APBB2: variants seen among roughly 807,000 people sequenced by gnomAD.
APBB2 encodes amyloid beta precursor protein binding family B member 2.
APBB2 carries 38 observed loss-of-function variants against 82.5 expected under a neutral mutation model. That is an observed-to-expected ratio of 0.46 (90% confidence interval 0.36 to 0.60). The LOEUF (loss-of-function observed/expected upper bound fraction) is 0.60, where lower values mean the gene tolerates loss of function less well. Among genes scored for constraint, APBB2 ranks in the 20% least tolerant of loss-of-function variants. APBB2 has a pLI of 0.00. For missense variants in APBB2, 772 were observed against 972.3 expected (o/e 0.79, Z 2.74); for synonymous variants, 341 against 368.2 (o/e 0.93, Z 0.85).
At chr4:40,883,734 C>T (rs570916793) in intron 12 of APBB2, among the ~76,000 whole-genome samples, 1 of 151,768 alleles carries the variant, frequency 6.6e-6, no homozygotes, top group African/African-American at 2.4e-5. Context: ...AAAAATGGGC[C>T]CTTTCCACAA....
chr4:41,052,731 G>A (rs1218637338), intron 4 of APBB2, among the ~76,000 whole-genome samples: 2 of 151,036 alleles, frequency 1.3e-5, no homozygotes, highest in African/African-American at 4.9e-5. Flanking sequence ...GTTATACAGT[G>A]TTTCTCGTTC....
chr4:41,075,936 T>C (rs982241573), intron 3 of APBB2, among the ~76,000 whole-genome samples: 3 of 152,196 alleles, frequency 2.0e-5, no homozygotes, highest in African/African-American at 7.2e-5. Flanking sequence ...GGTATCTAAA[T>C]TGAACTGAAT....
chr4:40,875,659 G>A (rs999016578), intron 12 of APBB2, among the ~76,000 whole-genome samples: 2 of 152,090 alleles, frequency 1.3e-5, no homozygotes, highest in Admixed American at 6.5e-5. Context: ...AGTGCTCAAG[G>A]CCATCACCGA....
chr4:40,848,796 G>A (rs1758426931), intron 12 of APBB2: 6 of 941,852 alleles, frequency 6.4e-6, no homozygotes, highest in African/African-American at 1.8e-5. Context: ...GCCTGGGCTT[G>A]CTGATCGGCT....
chr4:41,114,776 G>A (rs190965759), intron 2 of APBB2, among the ~76,000 whole-genome samples: 48 of 152,176 alleles, frequency 3.2e-4, no homozygotes, highest in Non-Finnish European at 7.4e-5. Flanking sequence ...GGATGTGAAG[G>A]ACCCCTTCAA....
intron 4 of APBB2, among the ~76,000 whole-genome samples, chr4:41,044,908 C>G (rs191730208): frequency 3.2e-4 from 48 of 152,188 alleles, no homozygotes; most frequent in Admixed American, 2.9e-3. Flanking sequence ...TAAAATGTAT[C>G]ATTTGCACCA....
At chr4:40,890,251 T>C (rs2154351368) in intron 12 of APBB2, 113 bp downstream of exon 12, 12 of 1,382,536 alleles carry the variant, frequency 8.7e-6, no homozygotes, top group Non-Finnish European at 8.7e-6. Flanking sequence ...CATTTCTATA[T>C]AGAAGCTACA....
chr4:40,919,418 T>C (rs1269197485), intron 10 of APBB2, among the ~76,000 whole-genome samples: 1 of 152,228 alleles, frequency 6.6e-6, no homozygotes, highest in Non-Finnish European at 1.5e-5. Flanking sequence ...TCAGGTGCTA[T>C]CTACATTTTA....
intron 1 of APBB2, among the ~76,000 whole-genome samples, chr4:41,155,080 T>C (rs1323325500): frequency 5.3e-5 from 8 of 152,246 alleles, no homozygotes; most frequent in Non-Finnish European, 8.8e-5. Context: ...GGTTTGGTCA[T>C]CATTAAAGTT....
chr4:40,943,773 G>A (rs10007274), intron 7 of APBB2, among the ~76,000 whole-genome samples: 58,062 of 152,086 alleles, frequency 0.38, 11,705 homozygotes, highest in Non-Finnish European at 0.46. Context: ...GATGACCACG[G>A]CATGGCACAG....
In APBB2 at chr4:40,811,932, C is replaced by T. The variant is rs189311111; in HGVS notation, c.*4160G>A. 2 of 152,256 alleles carry T rather than the reference C, an allele frequency of 1.3e-5. No individual in the cohort carries two copies. Among genetic ancestry groups the T allele is most frequent in the African/African-American group, 2.4e-5 (1 of 41,542 alleles). The allele number at this position is 152,256 out of a possible 1,614,324, so 9.4% of individuals were successfully genotyped here. ...CATTTTGGATTTAGTGTGTGTACAC[C>T]TCTATTCTTTATTCTTTGATGTCAG... On this transcript the variant is annotated 3_prime_UTR_variant, in exon 18 of 18. Coordinates refer to ENST00000508593, the MANE Select transcript of APBB2 (RefSeq NM_004307.2).
intron 1 of APBB2, among the ~76,000 whole-genome samples, chr4:41,163,600 A>G (rs16852837): frequency 0.02 from 3,016 of 152,318 alleles, 91 homozygotes; most frequent in African/African-American, 0.07. Context: ...ATCATAAACA[A>G]GCGTCAGTCA....
At chr4:41,144,773 C>T (rs1760225590) in intron 1 of APBB2, among the ~76,000 whole-genome samples, 1 of 152,226 alleles carries the variant, frequency 6.6e-6, no homozygotes, top group Admixed American at 6.5e-5. Flanking sequence ...CCTCCCTCAC[C>T]TATCGCATCC....
chr4:41,124,536 C>G (rs1323076434), intron 2 of APBB2, among the ~76,000 whole-genome samples: 1 of 152,106 alleles, frequency 6.6e-6, no homozygotes, highest in Non-Finnish European at 1.5e-5. Context: ...AATGTAAAAA[C>G]CATTCTAGGC....
chr4:40,832,294 G>A lies in APBB2; in HGVS notation c.1530-1717C>T, dbSNP rs2154303708. Among the ~76,000 whole-genome samples the A allele has an allele frequency of 6.6e-6, 1 of 152,262 alleles. No individual in the cohort carries two copies. The highest frequency in any genetic ancestry group is 2.1e-4 in the South Asian group (1 of 4,818). ...AACTGGCCATCGTGAAGGTCTGGCC[G>A]GAAAACCCTGCCTCGCAACCTCACC... is the stretch of plus-strand genomic sequence containing the variant. On this transcript the variant is annotated intron_variant, in intron 12 of 17. Transcript: ENST00000508593. The surrounding 1 kb of genome is among the most constrained non-coding windows in gnomAD (Gnocchi z 4.8).
chr4:41,111,094 A>T (rs1233015980), intron 2 of APBB2, among the ~76,000 whole-genome samples: 1 of 152,176 alleles, frequency 6.6e-6, no homozygotes, highest in African/African-American at 2.4e-5. Flanking sequence ...ACAAGTCACA[A>T]AAGGGCTTGT....
intron 3 of APBB2, among the ~76,000 whole-genome samples, chr4:41,078,955 T>G (rs1560693888): frequency 6.6e-6 from 1 of 152,208 alleles, no homozygotes; most frequent in Admixed American, 6.5e-5. Context: ...GGCTTGCACA[T>G]GACTTAGCCG....
chr4:40,827,923 T>C (rs6810648), intron 13 of APBB2, among the ~76,000 whole-genome samples: 82,036 of 151,904 alleles, frequency 0.54, 22,706 homozygotes, highest in African/African-American at 0.65. Flanking sequence ...AACTGAATCA[T>C]AGGGGCAGTT....
At chr4:41,008,038 T>A (rs1418361606) in intron 6 of APBB2, among the ~76,000 whole-genome samples, 1 of 152,238 alleles carries the variant, frequency 6.6e-6, no homozygotes, top group African/African-American at 2.4e-5. Context: ...TAAACCTCAG[T>A]TGCTTAGAGG....
Sources: gnomAD v4.1 joint callset for allele counts (sites outside exome capture counted in the v4.1 genomes callset) on GRCh38, gnomAD v4.1.1 for gene constraint, Gnocchi (gnomAD v3.1) non-coding constraint, MANE v1.5 for transcripts, NCBI Gene and HGNC (gene_info 2026-07-23, HGNC 2026-07-21) for gene names.